The following USP54 variants were observed in gnomAD, a reference collection of about 807,000 sequenced individuals.
The protein encoded by USP54 is ubiquitin specific peptidase 54, also known as ubiquitin carboxyl-terminal hydrolase 54.
A neutral mutation model predicts 170.5 loss-of-function variants in USP54; 87 were observed. The ratio of observed to expected loss-of-function variants is 0.51; its 90% CI spans 0.43 to 0.61. USP54 has a LOEUF of 0.61. Ranked by LOEUF, USP54 falls within the 20% of genes least tolerant of loss-of-function variation. USP54 has a pLI of 0.00. For synonymous variants in USP54, 655 were observed against 742.8 expected (o/e 0.88, Z 1.92); for missense variants, 1,786 against 2,047.8 (o/e 0.87, Z 2.47).
intron 4 of USP54, among the ~76,000 whole-genome samples, chr10:73,564,353 C>T (rs1421342310): frequency 6.6e-6 from 1 of 152,092 alleles, no homozygotes; most frequent in Non-Finnish European, 1.5e-5. Flanking sequence ...AACTAATTTC[C>T]TTTTTTCTTT....
At chr10:73,505,567 C>T (rs1367767734) in intron 20 of USP54, 141 bp from the exon 21 acceptor site, 2 of 685,764 alleles carry the variant, frequency 2.9e-6, no homozygotes, top group Non-Finnish European at 4.8e-6. Flanking sequence ...GGAACATGCT[C>T]CTGGAATTTA....
At position 73,526,797 on chromosome 10, in the gene USP54, A is replaced by G. The variant is rs1300597815; in HGVS notation, c.2061-17T>C. On this transcript the variant is annotated splice_polypyrimidine_tract_variant and intron_variant, in intron 15 of 23. Coordinates refer to ENST00000687698, the MANE Select transcript of USP54 (RefSeq NM_001391956.1). ...CTTGGATCCCTTCAAAAGAGAACTC[A>G]GAGTCTAGTGAAAGCATGAAAGCAG... The G allele has an allele frequency of 6.2e-7, 1 of 1,613,226 alleles. No individual in the cohort carries two copies. Among genetic ancestry groups the G allele is most frequent in the South Asian group, 1.1e-5 (1 of 90,954 alleles).
chr10:73,548,852 A>G (rs2068541122), intron 4 of USP54, among the ~76,000 whole-genome samples: 1 of 152,214 alleles, frequency 6.6e-6, no homozygotes. Flanking sequence ...GTGCACATGT[A>G]CCCTAGAACT....
In USP54 at chr10:73,578,600, C is replaced by T. The variant is rs150629993; in HGVS notation, c.-581-2239G>A. On this transcript the variant is annotated intron_variant, in intron 1 of 23. Transcript: ENST00000687698. ...CTAATTTTTGTATTTTTAGTAGAGA[C>T]GGGATTTCACCAGGGGCTGGTCTCA... 2.4e-3 allele frequency among the ~76,000 whole-genome samples: 359 copies of T among 152,098 alleles called. 2 individuals carry two copies. The highest frequency in any genetic ancestry group is 7.6e-3 in the African/African-American group (314 of 41,508).
At chr10:73,524,185 C>T (rs1256818215) in intron 16 of USP54, among the ~76,000 whole-genome samples, 6 of 151,196 alleles carry the variant, frequency 4.0e-5, no homozygotes, top group Non-Finnish European at 8.8e-5. Flanking sequence ...GGATTACATA[C>T]AGGTGTGAGC....
intron 9 of USP54, among the ~76,000 whole-genome samples, chr10:73,540,833 A>G (rs527848503): frequency 6.6e-6 from 1 of 152,304 alleles, no homozygotes; most frequent in South Asian, 2.1e-4. Context: ...CAGAAAGTTC[A>G]TTTATTCTCA....
chr10:73,541,293 C>T (rs371016770), intron 9 of USP54, 82 bp downstream of exon 9: 1 of 1,571,800 alleles, frequency 6.4e-7, no homozygotes, highest in Non-Finnish European at 8.7e-7. Flanking sequence ...TAGGACATAC[C>T]TGTTTGTCTA....
intron 20 of USP54, chr10:73,506,873 G>A (rs1283073785): frequency 1.3e-5 from 2 of 151,348 alleles, no homozygotes; most frequent in African/African-American, 2.5e-5. Flanking sequence ...GTTGCCCAAC[G>A]ATTCTAATCC....
Position 73,523,645 on chromosome 10 carries a change from G to T in USP54, c.2300C>A (p.Ala767Glu). 1 of 1,613,432 alleles carries T rather than the reference G, an allele frequency of 6.2e-7. No homozygotes were observed. The highest frequency in any genetic ancestry group is 8.5e-7 in the Non-Finnish European group (1 of 1,179,546). ...LRRKREKELE[A>E]AKGFNPHPSR... ...AGGATGAGGGTTAAACCCTTTCGCT[G>T]CCTCTAACTCCTTCTCCCGTTTTCT... is the stretch of plus-strand genomic sequence containing the variant. The change falls in exon 17 of 24, where the codon GCA (alanine) becomes GAA (glutamate). Residue 767 changes from alanine to glutamate, a missense_variant. Coordinates refer to ENST00000687698, the MANE Select transcript of USP54 (RefSeq NM_001391956.1).
At chr10:73,500,128 C>G (rs1414881734) in intron 23 of USP54, among the ~76,000 whole-genome samples, 1 of 152,132 alleles carries the variant, frequency 6.6e-6, no homozygotes, top group Non-Finnish European at 1.5e-5. Flanking sequence ...ACATCTCACT[C>G]GGAAGGTCAA....
chr10:73,594,810 T>C (rs1278176766), upstream of USP54, among the ~76,000 whole-genome samples: 1 of 152,052 alleles, frequency 6.6e-6, no homozygotes, highest in African/African-American at 2.4e-5. Flanking sequence ...TAAGAGAAAA[T>C]ATTCTAGCCT....
chr10:73,502,609 G>A (rs919998614), intron 22 of USP54, among the ~76,000 whole-genome samples: 7 of 152,020 alleles, frequency 4.6e-5, no homozygotes, highest in East Asian at 3.9e-4. Flanking sequence ...CACCGCGCCC[G>A]GCTATTCCTT....
intron 16 of USP54, among the ~76,000 whole-genome samples, chr10:73,525,171 G>A (rs2062636339): frequency 6.6e-6 from 1 of 152,166 alleles, no homozygotes; most frequent in African/African-American, 2.4e-5. Context: ...ACTTGTGTAA[G>A]CATAGAAAAA....
At chr10:73,593,560 A>G (rs542349743), upstream of USP54, among the ~76,000 whole-genome samples, 7 of 152,302 alleles carry the variant, frequency 4.6e-5, no homozygotes. Flanking sequence ...GTACTTTGTA[A>G]AACTGTGCTT....
At chr10:73,535,052 A>G (rs370026528) in intron 11 of USP54, among the ~76,000 whole-genome samples, 4 of 152,306 alleles carry the variant, frequency 2.6e-5, no homozygotes, top group African/African-American at 7.2e-5. Flanking sequence ...CTATCGGGGG[A>G]AAAGCAGAAG....
rs2065210908 is a variant in USP54 at position 73,536,332 on chromosome 10, C to T, written c.1081G>A (p.Asp361Asn). 6.2e-7 allele frequency: 1 copy of T among 1,614,068 alleles called. No homozygotes were observed. The highest frequency in any genetic ancestry group is 2.2e-5 in the East Asian group (1 of 44,866). Residue 361 changes from aspartate to asparagine, a missense_variant, in exon 11 of 24, where the codon GAC becomes AAC. By Grantham distance (23) the Asp-to-Asn change is conservative (BLOSUM62 1). Around this residue, in one of 3 missense-constraint regions of USP54, gnomAD observed 361 missense variants for 455.0 expected, o/e 0.79. Transcript: ENST00000687698. ...TGGAACTCAGCTTGGGGAGGCAGGT[C>T]CTGGGTGGAAACTGGGGTACCCTGG... Reference protein sequence around the residue: ...DPQGTPVSTQDLPPQAEFQSY... With the variant: ...DPQGTPVSTQNLPPQAEFQSY...
At chr10:73,528,839 T>G (rs764940123) in intron 15 of USP54, among the ~76,000 whole-genome samples, 1 of 152,238 alleles carries the variant, frequency 6.6e-6, no homozygotes, top group Non-Finnish European at 1.5e-5. Context: ...TACAACATGA[T>G]GTTATGAGAT....
intron 4 of USP54, among the ~76,000 whole-genome samples, chr10:73,555,351 T>A (rs1242079241): frequency 1.3e-5 from 2 of 152,196 alleles, no homozygotes; most frequent in Non-Finnish European, 2.9e-5. Context: ...CAATACCATA[T>A]CACCTCATAA....
chr10:73,522,479 T>C (rs143170129), intron 17 of USP54, among the ~76,000 whole-genome samples: 39 of 152,196 alleles, frequency 2.6e-4, no homozygotes, highest in African/African-American at 7.0e-4. Flanking sequence ...AATGAAATAT[T>C]GCCAGTGGGA....
Sources: gnomAD v4.1 joint callset for allele counts (sites outside exome capture counted in the v4.1 genomes callset) on GRCh38, gnomAD v4.1.1 for gene constraint, gnomAD v4.1.1 regional missense constraint, MANE v1.5 for transcripts, NCBI Gene and HGNC (gene_info 2026-07-23, HGNC 2026-07-21) for gene names.